WDR93: variants seen among roughly 807,000 people sequenced by gnomAD.
WDR93 encodes the protein WD repeat domain 93.
In WDR93, 73 loss-of-function variants were observed where a neutral mutation model predicts 82.9. The ratio of observed to expected loss-of-function variants is 0.88; its 90% CI spans 0.73 to 1.07. The LOEUF (loss-of-function observed/expected upper bound fraction) is 1.07, where lower values mean the gene tolerates loss of function less well. Ranked by LOEUF, WDR93 falls within the 50% of genes least tolerant of loss-of-function variation. WDR93 has a pLI of 0.00. For synonymous variants in WDR93, 283 were observed against 300.1 expected, an observed-to-expected ratio of 0.94 and a Z score of 0.59; for missense variants, 738 against 826.0, an observed-to-expected ratio of 0.89 and a Z score of 1.31.
chr15:89,738,053 A>C lies in WDR93; in HGVS notation c.1778A>C (p.His593Pro). The change falls in exon 16 of 17, where the codon CAT becomes CCT. Residue 593 changes from histidine to proline, a missense_variant. By Grantham distance (77) the His-to-Pro change is moderately conservative. Transcript: ENST00000268130. Reference sequence around the variant, plus strand: ...TGTCTCGTCACAGGAGACTATTCACATGAAACTGCGTCCACCGACGATGCT... The same window carrying C: ...TGTCTCGTCACAGGAGACTATTCACCTGAAACTGCGTCCACCGACGATGCT... Reference protein sequence around the residue: ...PCFLLRGDYSHETASTDDAGI... With the variant: ...PCFLLRGDYSPETASTDDAGI... The C allele has an allele frequency of 6.2e-7, 1 of 1,611,056 alleles. No individual in the cohort carries two copies. The highest frequency in any genetic ancestry group is 8.5e-7 in the Non-Finnish European group (1 of 1,178,532).
At chr15:89,709,897 C>A (rs559135846) in intron 4 of WDR93, among the ~76,000 whole-genome samples, 20 of 152,252 alleles carry the variant, frequency 1.3e-4, no homozygotes, top group East Asian at 5.8e-4. Flanking sequence ...ACAGTGGCTC[C>A]TGCCTGTAAT....
At chr15:89,711,762 AG>A in intron 4 of WDR93, among the ~76,000 whole-genome samples, 1 of 152,364 alleles carries the variant, frequency 6.6e-6, no homozygotes, top group East Asian at 1.9e-4. Flanking sequence ...GAGATCCAAT[AG>A]TATGCCAGAT....
chr15:89,739,872 TC>T (rs2141725558), intron 16 of WDR93, among the ~76,000 whole-genome samples: 1 of 152,240 alleles, frequency 6.6e-6, no homozygotes, highest in Admixed American at 6.5e-5. Flanking sequence ...CACGACTATT[TC>T]CCCCTTTCTC....
chr15:89,722,576 A>G (rs934588213), intron 8 of WDR93, among the ~76,000 whole-genome samples: 3 of 152,204 alleles, frequency 2.0e-5, no homozygotes, highest in Non-Finnish European at 4.4e-5. Flanking sequence ...ATAGTCTACT[A>G]AGGGAGAATG....
intron 16 of WDR93, among the ~76,000 whole-genome samples, chr15:89,738,948 C>T (rs890518718): frequency 6.6e-6 from 1 of 151,938 alleles, no homozygotes; most frequent in Non-Finnish European, 1.5e-5. Flanking sequence ...AACCCCATCT[C>T]TACAAAAAAC....
intron 4 of WDR93, among the ~76,000 whole-genome samples, chr15:89,709,703 T>C (rs1965875628): frequency 2.0e-5 from 3 of 152,084 alleles, no homozygotes; most frequent in African/African-American, 7.2e-5. Flanking sequence ...CTTCCCACCT[T>C]GGCCTCCCAA....
At chr15:89,695,813 CTTTT>C (rs58664153) in intron 1 of WDR93, among the ~76,000 whole-genome samples, 9 of 99,318 alleles carry the variant, frequency 9.1e-5, no homozygotes, top group African/African-American at 3.3e-4. Flanking sequence ...TCATGCTGTC[CTTTT>C]TTTTTTTTTT....
intron 1 of WDR93, among the ~76,000 whole-genome samples, chr15:89,694,533 C>A (rs1336476195): frequency 6.6e-6 from 1 of 152,120 alleles, no homozygotes; most frequent in Non-Finnish European, 1.5e-5. Context: ...CTGCACCCGG[C>A]CGGGTTACTT....
intron 1 of WDR93, among the ~76,000 whole-genome samples, chr15:89,696,085 G>A (rs1366286429): frequency 2.6e-5 from 4 of 152,004 alleles, no homozygotes; most frequent in Non-Finnish European, 5.9e-5. Flanking sequence ...CCAAAGTGCT[G>A]AGATTACAGA....
chr15:89,700,933 A>G (rs1004934061), intron 1 of WDR93, among the ~76,000 whole-genome samples: 2 of 151,666 alleles, frequency 1.3e-5, no homozygotes, highest in Non-Finnish European at 2.9e-5. Flanking sequence ...ATACATATAC[A>G]GACTTTATAT....
chr15:89,702,801 A>T, intron 2 of WDR93, 149 bp from the exon 3 acceptor site: 1 of 868,620 alleles, frequency 1.2e-6, no homozygotes, highest in Non-Finnish European at 1.7e-6. Flanking sequence ...GGCCTCCCAA[A>T]GTGCTGGGAT....
chr15:89,697,078 C>T (rs1965214493), intron 1 of WDR93, among the ~76,000 whole-genome samples: 1 of 152,110 alleles, frequency 6.6e-6, no homozygotes, highest in Non-Finnish European at 1.5e-5. Flanking sequence ...AAGCAATCCT[C>T]CTACCTCACC....
intron 12 of WDR93, among the ~76,000 whole-genome samples, chr15:89,732,298 G>T (rs372405847): frequency 6.6e-6 from 1 of 152,302 alleles, no homozygotes; most frequent in African/African-American, 2.4e-5. Flanking sequence ...TACCCTGTTT[G>T]TTGGGTAGCT....
intron 16 of WDR93, 108 bp downstream of exon 16, chr15:89,738,344 T>G: frequency 3.0e-6 from 4 of 1,342,778 alleles, no homozygotes; most frequent in Non-Finnish European, 4.0e-6. Context: ...AAATTTCCCC[T>G]GGCTGGGCGT....
chr15:89,702,845 T>C (rs1965536224), intron 2 of WDR93, 105 bp from the exon 3 acceptor site: 1 of 1,269,392 alleles, frequency 7.9e-7, no homozygotes, highest in Non-Finnish European at 1.1e-6. Flanking sequence ...AGCCAGGAAA[T>C]GTTATTATTA....
At chr15:89,706,190 A>G (rs1257402616) in intron 4 of WDR93, among the ~76,000 whole-genome samples, 1 of 152,234 alleles carries the variant, frequency 6.6e-6, no homozygotes, top group Non-Finnish European at 1.5e-5. Flanking sequence ...TCCTGAGGGA[A>G]GAGGACCTGT....
chr15:89,735,459 G>C (rs773409805), intron 13 of WDR93, 31 bp from the exon 14 acceptor site: 1 of 1,609,684 alleles, frequency 6.2e-7, no homozygotes, highest in Non-Finnish European at 8.5e-7. Flanking sequence ...TCTTAAAGTA[G>C]GAGAATGTCT....
intron 3 of WDR93, 148 bp from the exon 4 acceptor site, chr15:89,705,406 G>C (rs1965682480): frequency 1.5e-6 from 1 of 662,684 alleles, no homozygotes; most frequent in Non-Finnish European, 2.7e-6. Flanking sequence ...GGGAGACCAA[G>C]AGCAGCATAG....
rs143761650 is a variant in WDR93, at chr15:89,737,661, T to C, written c.1697T>C (p.Phe566Ser). The change falls in exon 15 of 17, where the codon TTT becomes TCT. Residue 566 changes from phenylalanine to serine, a missense_variant. Coordinates refer to ENST00000268130, the MANE Select transcript of WDR93 (RefSeq NM_020212.2). ...TGTGCCTTTGCCCCTCCGGGAGCCT[T>C]TCCTCTGGAGGTCCCCTGGAAGCCA... ...IICAFAPPGA[F>S]PLEVPWKPVF... 5.3e-4 allele frequency: 860 copies of C among 1,614,192 alleles called. 4 individuals are homozygous for C. The African/African-American group carries it at 9.7e-3, about 18-fold the overall frequency.
Sources: gnomAD v4.1 joint callset for allele counts (sites outside exome capture counted in the v4.1 genomes callset) on GRCh38, gnomAD v4.1.1 for gene constraint, MANE v1.5 for transcripts, NCBI Gene and HGNC (gene_info 2026-07-23, HGNC 2026-07-21) for gene names.